GALNT13: variants seen among roughly 807,000 people sequenced by gnomAD.
The protein encoded by GALNT13 is polypeptide N-acetylgalactosaminyltransferase 13.
Under a neutral mutation model 64.2 loss-of-function variants are expected in GALNT13, and 28 were observed. The observed-to-expected ratio is 0.44, with a 90% CI of 0.32 to 0.60. The LOEUF (loss-of-function observed/expected upper bound fraction) is 0.60, where lower values mean the gene tolerates loss of function less well. GALNT13 is among the 20% of genes least tolerant of loss of function. GALNT13 has a pLI of 0.05. For missense variants in GALNT13, 577 were observed against 669.8 expected (o/e 0.86, Z 1.53); for synonymous variants, 214 against 224.6 (o/e 0.95, Z 0.42).
At chr2:153,980,525 G>GT (rs1168792021) in intron 3 of GALNT13, among the ~76,000 whole-genome samples, 1 of 152,112 alleles carries the variant, frequency 6.6e-6, no homozygotes, top group African/African-American at 2.4e-5. Flanking sequence ...TTTGTAAATT[G>GT]TTTATGAGGT....
At chr2:153,306,653 G>A in the GALNT13 span, among the ~76,000 whole-genome samples, 1 of 152,258 alleles carries the variant, frequency 6.6e-6, no homozygotes, top group South Asian at 2.1e-4. Flanking sequence ...CCCTATATGC[G>A]ATTTTTGTGC....
At position 154,392,550 on chromosome 2, in the gene GALNT13, C is replaced by T. The variant is rs1296834738; in HGVS notation, c.1157-3441C>T. On this transcript the variant is annotated intron_variant, in intron 9 of 12. Coordinates refer to ENST00000392825, the MANE Select transcript of GALNT13 (RefSeq NM_052917.4). ...TTCAAGACCAGGAGGGCCATTCTTT[C>T]ATGTTTATTCAAAAGAAACCATAAA... 2.0e-5 allele frequency among the ~76,000 whole-genome samples: 3 copies of T among 152,238 alleles called. No homozygotes were observed. In the East Asian group the frequency reaches 5.8e-4, roughly 29 times the overall value.
chr2:153,342,445 T>A, the GALNT13 span, among the ~76,000 whole-genome samples: 2 of 152,224 alleles, frequency 1.3e-5, no homozygotes, highest in Non-Finnish European at 1.5e-5. Flanking sequence ...TAATGAGCAG[T>A]GGTGTTCAAT....
intron 9 of GALNT13, among the ~76,000 whole-genome samples, chr2:154,388,894 T>C (rs966378456): frequency 1.3e-5 from 2 of 152,154 alleles, no homozygotes; most frequent in Non-Finnish European, 2.9e-5. Context: ...ATGACATACA[T>C]AACAAACTTT....
chr2:154,290,075 C>T (rs1237755898), intron 8 of GALNT13, among the ~76,000 whole-genome samples: 1 of 152,142 alleles, frequency 6.6e-6, no homozygotes, highest in Non-Finnish European at 1.5e-5. Flanking sequence ...AAAGTTGGGG[C>T]ACTCAATGCA....
intron 3 of GALNT13, among the ~76,000 whole-genome samples, chr2:153,984,697 C>T (rs1432654068): frequency 6.6e-6 from 1 of 151,770 alleles, no homozygotes; most frequent in Non-Finnish European, 1.5e-5. Context: ...ATGCCCTCCT[C>T]TCACCCCAAG....
At chr2:153,108,254 CAAAT>C in the GALNT13 span, among the ~76,000 whole-genome samples, 63 of 152,172 alleles carry the variant, frequency 4.1e-4, no homozygotes, top group Admixed American at 8.5e-4. Flanking sequence ...TGGAATATAA[CAAAT>C]AAATTTAAAA....
chr2:153,092,309 C>T, the GALNT13 span, among the ~76,000 whole-genome samples: 1 of 151,952 alleles, frequency 6.6e-6, no homozygotes, highest in African/African-American at 2.4e-5. Flanking sequence ...TTTAGGATAG[C>T]CTTGACTATT....
At chr2:153,269,352 G>T in the GALNT13 span, among the ~76,000 whole-genome samples, 1 of 152,144 alleles carries the variant, frequency 6.6e-6, no homozygotes, top group East Asian at 1.9e-4. Context: ...TAGAGCAGAG[G>T]TGAAATGCCA....
the GALNT13 span, among the ~76,000 whole-genome samples, chr2:153,278,185 G>A: frequency 1.3e-5 from 2 of 151,526 alleles, no homozygotes; most frequent in South Asian, 2.1e-4. Context: ...TGTCCGCCTC[G>A]GCCTCCCAAA....
chr2:154,174,488 C>G (rs988298767), intron 4 of GALNT13, among the ~76,000 whole-genome samples: 8 of 152,056 alleles, frequency 5.3e-5, no homozygotes, highest in Admixed American at 3.9e-4. Flanking sequence ...CATAACAGTT[C>G]CATGAGCAAG....
the GALNT13 span, among the ~76,000 whole-genome samples, chr2:153,168,730 A>G: frequency 6.1e-4 from 93 of 152,246 alleles, no homozygotes; most frequent in Non-Finnish European, 1.1e-3. Context: ...AGAATTAACT[A>G]GTACATGTAA....
At chr2:153,876,216 C>CACAA (rs1265712400) in intron 1 of GALNT13, among the ~76,000 whole-genome samples, 1 of 150,546 alleles carries the variant, frequency 6.6e-6, no homozygotes, top group Non-Finnish European at 1.5e-5. Flanking sequence ...CACACACACA[C>CACAA]ACACACACAC....
chr2:153,295,188 G>A, the GALNT13 span, among the ~76,000 whole-genome samples: 1 of 152,258 alleles, frequency 6.6e-6, no homozygotes, highest in East Asian at 1.9e-4. Context: ...GAAGAAGGTG[G>A]TGACAGAGTC....
At chr2:153,788,241 C>T in the GALNT13 span, among the ~76,000 whole-genome samples, 1 of 152,132 alleles carries the variant, frequency 6.6e-6, no homozygotes, top group Non-Finnish European at 1.5e-5. Context: ...TAAAAGCATA[C>T]CTCTCAGCAG....
the GALNT13 span, among the ~76,000 whole-genome samples, chr2:153,126,371 G>A: frequency 7.1e-6 from 1 of 140,170 alleles, no homozygotes; most frequent in African/African-American, 2.7e-5. Context: ...ATCCACAGAT[G>A]TTAAAATAAT....
the GALNT13 span, among the ~76,000 whole-genome samples, chr2:153,427,592 T>C: frequency 2.0e-5 from 3 of 152,108 alleles, no homozygotes; most frequent in Non-Finnish European, 1.5e-5. Flanking sequence ...CAGAGAAATA[T>C]AGAAAGGAAA....
At chr2:154,011,854 T>C (rs1696660163) in intron 3 of GALNT13, among the ~76,000 whole-genome samples, 1 of 152,216 alleles carries the variant, frequency 6.6e-6, no homozygotes, top group Non-Finnish European at 1.5e-5. Flanking sequence ...TGGTCTAATG[T>C]TTGTTTTGTC....
At chr2:153,384,089 C>A in the GALNT13 span, among the ~76,000 whole-genome samples, 9 of 151,990 alleles carry the variant, frequency 5.9e-5, no homozygotes, top group Non-Finnish European at 1.2e-4. Context: ...AATTACCAAG[C>A]ACATTTTTGT....
Sources: gnomAD v4.1 joint callset for allele counts (sites outside exome capture counted in the v4.1 genomes callset) on GRCh38, gnomAD v4.1.1 for gene constraint, MANE v1.5 for transcripts, NCBI Gene and HGNC (gene_info 2026-07-23, HGNC 2026-07-21) for gene names.